The following PRMT8 variants were observed in gnomAD, a reference collection of about 807,000 sequenced individuals.
The protein encoded by PRMT8 is protein arginine methyltransferase 8, also known as protein arginine N-methyltransferase 8.
In PRMT8, 7 loss-of-function variants were observed where a neutral mutation model predicts 47.1. That is an observed-to-expected ratio of 0.15 (90% CI 0.08 to 0.28). The LOEUF (loss-of-function observed/expected upper bound fraction) is 0.28. Among genes scored for constraint, PRMT8 ranks in the 10% least tolerant of loss-of-function variants. The pLI is 1.00. For synonymous variants in PRMT8, 188 were observed against 186.5 expected, an observed-to-expected ratio of 1.01 and a Z score of -0.07; for missense variants, 237 against 505.4, an observed-to-expected ratio of 0.47 and a Z score of 5.09.
intron 1 of PRMT8, among the ~76,000 whole-genome samples, chr12:3,510,430 G>A (rs1489577302): frequency 6.6e-6 from 1 of 152,160 alleles, no homozygotes; most frequent in Non-Finnish European, 1.5e-5. Flanking sequence ...CCAACACAAA[G>A]CAATGACAAC....
intron 4 of PRMT8, among the ~76,000 whole-genome samples, chr12:3,554,081 A>G (rs933403683): frequency 6.6e-6 from 1 of 151,704 alleles, no homozygotes; most frequent in Non-Finnish European, 1.5e-5. Context: ...CCCCGACCCA[A>G]TGTTTCCCCA....
chr12:3,456,784 GA>G lies in PRMT8; in HGVS notation c.48+75352del, dbSNP rs995376066. 4.7e-5 allele frequency among the ~76,000 whole-genome samples: 7 copies of G among 149,528 alleles called. No individual in the cohort carries two copies. The highest frequency in any genetic ancestry group is 1.9e-4 in the East Asian group (1 of 5,152). On this transcript the variant is annotated intron_variant, in intron 1 of 9. Transcript: ENST00000452611. This position sits in a 1 kb window ranked among gnomAD's most constrained non-coding sequence, Gnocchi z 4.2. Reference sequence around the variant, plus strand: ...TACACCCTTGACTAAGATTGAACAAGAAAAAAAAAATGTCACCAAACAAAGA... The same window carrying G: ...TACACCCTTGACTAAGATTGAACAAGAAAAAAAAATGTCACCAAACAAAGA...
chr12:3,402,416 G>A (rs1864326698), intron 1 of PRMT8, among the ~76,000 whole-genome samples: 1 of 152,174 alleles, frequency 6.6e-6, no homozygotes. Context: ...ATAGGCAGGG[G>A]CAAAGATTTC....
At chr12:3,526,602 C>T (rs1865953115) in intron 1 of PRMT8, among the ~76,000 whole-genome samples, 2 of 152,192 alleles carry the variant, frequency 1.3e-5, no homozygotes, top group South Asian at 4.2e-4. Flanking sequence ...TTTGGATTTG[C>T]ATTTCCCTAA....
At chr12:3,584,949 C>T (rs921555465) in intron 8 of PRMT8, among the ~76,000 whole-genome samples, 4 of 152,180 alleles carry the variant, frequency 2.6e-5, no homozygotes, top group African/African-American at 9.7e-5. Flanking sequence ...ACAACGTTAT[C>T]TTGGTGATAC....
chr12:3,540,633 C>CCCCCCCCCGG lies in PRMT8; in HGVS notation c.103_104insCCCCCCCCGG (p.Gln35ProfsTer10). ...GAACAGCCCCCCCTCCCAGCCCCCCCAGCCCGTCGTCCCTGCTAAGCCCGT... is the reference window on the plus strand; with the variant it reads ...GAACAGCCCCCCCTCCCAGCCCCCCCCCCCCCCCGGAGCCCGTCGTCCCTGCTAAGCCCGT... On this transcript the variant is annotated frameshift_variant, in exon 2 of 10. Transcript: ENST00000382622. LOFTEE classifies it high-confidence loss of function. The CCCCCCCCCGG allele has an allele frequency of 6.4e-7, 1 of 1,553,208 alleles. No individual in the cohort carries two copies. Among genetic ancestry groups the CCCCCCCCCGG allele is most frequent in the Non-Finnish European group, 8.9e-7 (1 of 1,127,238 alleles).
At chr12:3,413,343 C>T (rs1293481678) in intron 1 of PRMT8, among the ~76,000 whole-genome samples, 2 of 152,170 alleles carry the variant, frequency 1.3e-5, no homozygotes, top group South Asian at 2.1e-4. Context: ...GGTGAGGCCT[C>T]CCCAGCCATG....
chr12:3,556,540 C>T (rs1227122927), intron 4 of PRMT8, among the ~76,000 whole-genome samples: 2 of 151,894 alleles, frequency 1.3e-5, no homozygotes, highest in African/African-American at 2.4e-5. Flanking sequence ...AGCACAGGCT[C>T]AATGTGGGGC....
rs965192198 is a variant in PRMT8, at chr12:3,491,461, T to C, written c.-165T>C. 1 of 1,431,334 alleles carries C rather than the reference T, an allele frequency of 7.0e-7. No homozygotes were observed. Among genetic ancestry groups the C allele is most frequent in the African/African-American group, 1.4e-5 (1 of 69,356 alleles). The allele number at this position is 1,431,334 out of a possible 1,614,324, so 88.7% of individuals were successfully genotyped here. ...GAGGAAAATAAAAGAAAGTGGAGAC[T>C]GCAGAACAGACTCCGCTGTGGCTGA... On this transcript the variant is annotated 5_prime_UTR_variant, in exon 1 of 10. Coordinates refer to ENST00000382622, the MANE Select transcript of PRMT8 (RefSeq NM_019854.5).
chr12:3,504,996 C>T (rs867278105), intron 1 of PRMT8, among the ~76,000 whole-genome samples: 22 of 123,568 alleles, frequency 1.8e-4, no homozygotes, highest in Middle Eastern at 3.7e-3. Context: ...TTCTTTGACT[C>T]GGAAAGGGAA....
At chr12:3,579,104 C>CG (rs1867003083) in intron 7 of PRMT8, among the ~76,000 whole-genome samples, 3 of 152,196 alleles carry the variant, frequency 2.0e-5, no homozygotes, top group Admixed American at 2.0e-4. Flanking sequence ...AGTATGCCCC[C>CG]AGCAAGAAGC....
At chr12:3,563,409 A>G (rs1431568610) in intron 4 of PRMT8, among the ~76,000 whole-genome samples, 1 of 151,876 alleles carries the variant, frequency 6.6e-6, no homozygotes, top group East Asian at 1.9e-4. Flanking sequence ...TGTGGAAGCG[A>G]CCACCCTGAG....
chr12:3,517,546 G>T (rs1865813632), intron 1 of PRMT8, among the ~76,000 whole-genome samples: 1 of 152,128 alleles, frequency 6.6e-6, no homozygotes, highest in Non-Finnish European at 1.5e-5. Flanking sequence ...TATAAGTACT[G>T]CCTTGGTGGT....
At chr12:3,489,136 C>T (rs778018331), upstream of PRMT8, among the ~76,000 whole-genome samples, 2 of 152,170 alleles carry the variant, frequency 1.3e-5, no homozygotes, top group Non-Finnish European at 2.9e-5. Flanking sequence ...AGCTCTCCAT[C>T]TCAGCCTCTC....
Position 3,456,540 on chromosome 12 carries a change from G to C in PRMT8, c.48+75098G>C. On this transcript the variant is annotated intron_variant, in intron 1 of 9. Coordinates refer to the PRMT8 transcript ENST00000452611. This position sits in a 1 kb window ranked among gnomAD's most constrained non-coding sequence, Gnocchi z 4.2. ...TCACGAGCGATCTGTTGTGCAGCCC[G>C]ATCATCCCCCAATTCACCAACAGCC... 6.6e-6 allele frequency among the ~76,000 whole-genome samples: 1 copy of C among 152,110 alleles called. No homozygotes were observed. The highest frequency in any genetic ancestry group is 1.5e-5 in the Non-Finnish European group (1 of 68,016).
At chr12:3,490,823 CGA>C, upstream of PRMT8, among the ~76,000 whole-genome samples, 1 of 146,570 alleles carries the variant, frequency 6.8e-6, no homozygotes, top group Non-Finnish European at 1.5e-5. Context: ...CGTAATTCGC[CGA>C]GGAAGGATCC....
chr12:3,565,119 G>A (rs547311240), intron 4 of PRMT8, among the ~76,000 whole-genome samples: 14 of 152,330 alleles, frequency 9.2e-5, no homozygotes, highest in African/African-American at 3.4e-4. Flanking sequence ...CTGGAACTTG[G>A]AGGCACCATC....
chr12:3,587,766 C>G (rs1201608730), intron 8 of PRMT8, among the ~76,000 whole-genome samples: 1 of 152,210 alleles, frequency 6.6e-6, no homozygotes, highest in Non-Finnish European at 1.5e-5. Context: ...TGCATCAACC[C>G]CCAACTGAGT....
At chr12:3,391,912 A>G (rs1254362019) in intron 1 of PRMT8, among the ~76,000 whole-genome samples, 1 of 152,212 alleles carries the variant, frequency 6.6e-6, no homozygotes, top group Non-Finnish European at 1.5e-5. Flanking sequence ...AATGAAGGGC[A>G]TTTAATGGAG....
Sources: allele counts gnomAD v4.1 joint callset (sites outside exome capture counted in the v4.1 genomes callset), GRCh38; gene constraint gnomAD v4.1.1; non-coding constraint Gnocchi (gnomAD v3.1); transcripts MANE v1.5; gene names NCBI Gene and HGNC (gene_info 2026-07-23, HGNC 2026-07-21).